Variants in IMPG1 observed in about 807,000 individuals in gnomAD.
The protein encoded by IMPG1 is interphotoreceptor matrix proteoglycan 1.
A neutral mutation model predicts 92.0 loss-of-function variants in IMPG1; 85 were observed. The observed-to-expected ratio is 0.92, with a 90% confidence interval of 0.78 to 1.11. IMPG1 has a LOEUF of 1.11. Among genes scored for constraint, IMPG1 ranks in the 50% least tolerant of loss-of-function variants. The probability of loss-of-function intolerance (pLI) is 0.00; values close to 1 mark genes in which losing one functional copy is unlikely to be tolerated. For synonymous variants in IMPG1, 367 were observed against 334.1 expected (o/e 1.10, Z -1.08); for missense variants, 1,022 against 956.0 (o/e 1.07, Z -0.91).
At chr6:76,070,152 T>A (rs960789395) in intron 1 of IMPG1, among the ~76,000 whole-genome samples, 3 of 152,096 alleles carry the variant, frequency 2.0e-5, no homozygotes, top group Admixed American at 2.0e-4. Context: ...AAAATTATTT[T>A]AAAAAATTAA....
chr6:75,942,727 G>A (rs1180943911), intron 14 of IMPG1, among the ~76,000 whole-genome samples: 4 of 152,092 alleles, frequency 2.6e-5, no homozygotes, highest in African/African-American at 4.8e-5. Context: ...TCAGCCAATC[G>A]CACTGAAAAA....
chr6:76,064,093 A>T (rs1250401544), intron 1 of IMPG1, among the ~76,000 whole-genome samples: 1 of 151,600 alleles, frequency 6.6e-6, no homozygotes, highest in Admixed American at 6.6e-5. Flanking sequence ...TTGTGGATAC[A>T]GGCTGCTCTT....
intron 5 of IMPG1, among the ~76,000 whole-genome samples, chr6:76,024,022 T>C (rs190604102): frequency 6.6e-6 from 1 of 152,278 alleles, no homozygotes; most frequent in East Asian, 1.9e-4. Flanking sequence ...CAGGTCAAAT[T>C]TGAGCTGTTT....
At chr6:75,974,397 T>TTCCTTCCTTCCTTGCTTGC (rs1384914258) in intron 12 of IMPG1, among the ~76,000 whole-genome samples, 30 of 81,176 alleles carry the variant, frequency 3.7e-4, no homozygotes, top group African/African-American at 1.2e-3. Flanking sequence ...CTTTCTTTTC[T>TTCCTTCCTTCCTTGCTTGC]TTCTTTCCTT....
At chr6:76,003,580 ATTTG>A (rs1783037954) in intron 11 of IMPG1, among the ~76,000 whole-genome samples, 1 of 152,284 alleles carries the variant, frequency 6.6e-6, no homozygotes, top group Middle Eastern at 3.4e-3. Context: ...GTTCATGAAA[ATTTG>A]TTTGTTTTAT....
At chr6:75,968,818 G>T (rs1020831876) in intron 12 of IMPG1, among the ~76,000 whole-genome samples, 1 of 151,924 alleles carries the variant, frequency 6.6e-6, no homozygotes, top group South Asian at 2.1e-4. Flanking sequence ...CAGCCCAAAG[G>T]CCCTCAACCA....
At chr6:75,984,962 T>G (rs1232162423) in intron 12 of IMPG1, among the ~76,000 whole-genome samples, 1 of 152,214 alleles carries the variant, frequency 6.6e-6, no homozygotes, top group Non-Finnish European at 1.5e-5. Context: ...GGTGCCATGT[T>G]TGTACAGCCT....
At chr6:76,050,712 A>C (rs1325547975) in intron 1 of IMPG1, among the ~76,000 whole-genome samples, 1 of 152,192 alleles carries the variant, frequency 6.6e-6, no homozygotes, top group African/African-American at 2.4e-5. Context: ...CCCACAAGTC[A>C]TTCTCTTTCT....
At chr6:76,031,119 G>T (rs756882618) in intron 4 of IMPG1, among the ~76,000 whole-genome samples, 3 of 152,134 alleles carry the variant, frequency 2.0e-5, no homozygotes, top group Non-Finnish European at 4.4e-5. Flanking sequence ...GACGGACAAG[G>T]ACCCCAATTT....
At chr6:75,939,750 G>A (rs1431080468) in intron 14 of IMPG1, among the ~76,000 whole-genome samples, 3 of 151,916 alleles carry the variant, frequency 2.0e-5, no homozygotes, top group Admixed American at 6.6e-5. Context: ...GGTCCTGGGC[G>A]CCATCCCTTT....
chr6:76,064,562 G>A (rs1031865373), intron 1 of IMPG1, among the ~76,000 whole-genome samples: 8 of 151,838 alleles, frequency 5.3e-5, no homozygotes, highest in Non-Finnish European at 7.4e-5. Flanking sequence ...ACATTTCACC[G>A]GGAGCTTCCC....
intron 7 of IMPG1, among the ~76,000 whole-genome samples, chr6:76,014,194 T>C (rs1047983021): frequency 3.3e-5 from 5 of 152,226 alleles, no homozygotes; most frequent in African/African-American, 1.2e-4. Flanking sequence ...AGTTAGTGAT[T>C]TGTATTATTT....
chr6:76,020,651 C>T (rs1193490983), intron 6 of IMPG1, among the ~76,000 whole-genome samples: 3 of 152,156 alleles, frequency 2.0e-5, no homozygotes, highest in Non-Finnish European at 4.4e-5. Flanking sequence ...CTACTGCCTC[C>T]TTTGGGGCCT....
At chr6:75,964,101 T>G (rs1771124614) in intron 12 of IMPG1, among the ~76,000 whole-genome samples, 1 of 152,194 alleles carries the variant, frequency 6.6e-6, no homozygotes, top group South Asian at 2.1e-4. Flanking sequence ...AGAGGGCCAC[T>G]TTAATGCCCA....
chr6:76,052,546 T>A (rs1784061769), intron 1 of IMPG1, among the ~76,000 whole-genome samples: 1 of 152,154 alleles, frequency 6.6e-6, no homozygotes, highest in East Asian at 1.9e-4. Flanking sequence ...CCTTTGCCTC[T>A]CAAATAGTGG....
chr6:76,056,827 T>C (rs971181892), intron 1 of IMPG1, among the ~76,000 whole-genome samples: 1 of 152,186 alleles, frequency 6.6e-6, no homozygotes, highest in Non-Finnish European at 1.5e-5. Context: ...TTTGGAAAAT[T>C]AACTACTTGG....
chr6:76,013,895 T>A (rs1175423056), intron 7 of IMPG1, among the ~76,000 whole-genome samples: 1 of 152,238 alleles, frequency 6.6e-6, no homozygotes, highest in Non-Finnish European at 1.5e-5. Flanking sequence ...TTACAAATTT[T>A]TTCCCCCAGC....
intron 12 of IMPG1, among the ~76,000 whole-genome samples, chr6:75,957,855 A>T (rs1166105175): frequency 6.6e-6 from 1 of 152,144 alleles, no homozygotes. Flanking sequence ...TTGAATCTTT[A>T]TCCAATTTGT....
intron 12 of IMPG1, among the ~76,000 whole-genome samples, chr6:75,971,641 T>C (rs1169855470): frequency 6.6e-6 from 1 of 152,112 alleles, no homozygotes; most frequent in East Asian, 1.9e-4. Flanking sequence ...ACAAATCACA[T>C]GTAAGTGCAA....
Sources: gnomAD v4.1 joint callset for allele counts (sites outside exome capture counted in the v4.1 genomes callset) on GRCh38, gnomAD v4.1.1 for gene constraint, MANE v1.5 for transcripts, NCBI Gene and HGNC (gene_info 2026-07-23, HGNC 2026-07-21) for gene names.